Variants in TFAP2D observed in about 807,000 individuals in gnomAD.
TFAP2D encodes transcription factor AP-2 delta.
TFAP2D carries 9 observed loss-of-function variants against 43.6 expected under a neutral mutation model. That is an observed-to-expected ratio of 0.21 (90% CI 0.12 to 0.36). The LOEUF (loss-of-function observed/expected upper bound fraction) is 0.36. TFAP2D is among the 10% of genes least tolerant of loss of function. The pLI is 1.00. For missense variants in TFAP2D, 513 were observed against 561.4 expected, an observed-to-expected ratio of 0.91 and a Z score of 0.87; for synonymous variants, 256 against 224.9, an observed-to-expected ratio of 1.14 and a Z score of -1.24.
intron 3 of TFAP2D, among the ~76,000 whole-genome samples, chr6:50,722,552 G>T (rs868452349): frequency 1.3e-5 from 2 of 151,648 alleles, no homozygotes; most frequent in South Asian, 2.1e-4. Flanking sequence ...CCTTATGGCC[G>T]CCTCCCCTTT....
At chr6:50,734,444 C>T (rs1013886816) in intron 5 of TFAP2D, among the ~76,000 whole-genome samples, 1 of 152,058 alleles carries the variant, frequency 6.6e-6, no homozygotes, top group African/African-American at 2.4e-5. Flanking sequence ...ATAATAGAAG[C>T]TAATTTCTCA....
At chr6:50,719,373 T>C (rs1443131335) in intron 3 of TFAP2D, among the ~76,000 whole-genome samples, 2 of 151,898 alleles carry the variant, frequency 1.3e-5, no homozygotes, top group African/African-American at 2.4e-5. Flanking sequence ...TGATAGGAGA[T>C]ATTTGTTGCT....
chr6:50,751,285 T>A lies in TFAP2D; in HGVS notation c.1100T>A (p.Ile367Asn). 6.2e-7 allele frequency: 1 copy of A among 1,611,594 alleles called. No individual in the cohort carries two copies. The highest frequency in any genetic ancestry group is 8.5e-7 in the Non-Finnish European group (1 of 1,178,298). Residue 367 changes from isoleucine to asparagine, a missense_variant, in exon 7 of 8, where the codon ATT becomes AAT. Around this residue, in one of 3 missense-constraint regions of TFAP2D, gnomAD observed 199 missense variants for 227.9 expected, o/e 0.87. Coordinates refer to ENST00000008391, the MANE Select transcript of TFAP2D (RefSeq NM_172238.4). ...CTGGGATCCTCCAGACCCACTCCAA[T>A]TCTAGACCTTGACATCCAGAGACAT... is the stretch of plus-strand genomic sequence containing the variant. ...SPLGSSRPTP[I>N]LDLDIQRHLT...
At chr6:50,741,296 T>A (rs982673720) in intron 5 of TFAP2D, among the ~76,000 whole-genome samples, 7 of 152,284 alleles carry the variant, frequency 4.6e-5, no homozygotes, top group African/African-American at 1.7e-4. Context: ...TTTTTTAAAC[T>A]TTTATTTTAA....
At chr6:50,735,790 A>G (rs1768954522) in intron 5 of TFAP2D, among the ~76,000 whole-genome samples, 1 of 152,166 alleles carries the variant, frequency 6.6e-6, no homozygotes, top group South Asian at 2.1e-4. Context: ...CGATTTGTCA[A>G]TGAACTCTTT....
Position 50,760,573 on chromosome 6 carries a change from G to A in TFAP2D, c.1139+9249G>A, listed in dbSNP as rs890150507. ...ATGATTCTTCACCACCAGAGAACTA[G>A]ATACTTTAATTGTGTATCTTAATTA... is the stretch of plus-strand genomic sequence containing the variant. On this transcript the variant is annotated intron_variant, in intron 7 of 7. Coordinates refer to ENST00000008391, the MANE Select transcript of TFAP2D (RefSeq NM_172238.4). 9.2e-5 allele frequency among the ~76,000 whole-genome samples: 14 copies of A among 152,098 alleles called. No homozygotes were observed. In the East Asian group the frequency reaches 2.5e-3, roughly 27 times the overall value.
chr6:50,731,847 C>G (rs1028539364), intron 5 of TFAP2D, among the ~76,000 whole-genome samples: 4 of 152,026 alleles, frequency 2.6e-5, no homozygotes, highest in Non-Finnish European at 5.9e-5. Context: ...ATCATGGCCC[C>G]TGGAACTCTG....
chr6:50,726,855 G>T (rs368454313), intron 3 of TFAP2D, among the ~76,000 whole-genome samples: 1 of 152,150 alleles, frequency 6.6e-6, no homozygotes. Context: ...TTGTATTTTG[G>T]CTTAAAACTC....
chr6:50,761,174 A>G (rs1769358505), intron 7 of TFAP2D, among the ~76,000 whole-genome samples: 1 of 151,726 alleles, frequency 6.6e-6, no homozygotes, highest in Admixed American at 6.6e-5. Flanking sequence ...ATAATGCAAC[A>G]TAACAAAATA....
At chr6:50,720,317 C>T (rs989798234) in intron 3 of TFAP2D, among the ~76,000 whole-genome samples, 4 of 152,110 alleles carry the variant, frequency 2.6e-5, no homozygotes, top group South Asian at 4.1e-4. Flanking sequence ...GTTTAAACTG[C>T]AGATTTTACA....
intron 3 of TFAP2D, among the ~76,000 whole-genome samples, chr6:50,724,545 G>T (rs991105771): frequency 7.2e-5 from 11 of 152,264 alleles, no homozygotes; most frequent in South Asian, 6.2e-4. Context: ...AGAGCGCGCG[G>T]GACCTCTCGC....
chr6:50,741,000 C>A (rs187337667), intron 5 of TFAP2D, among the ~76,000 whole-genome samples: 1 of 152,122 alleles, frequency 6.6e-6, no homozygotes, highest in African/African-American at 2.4e-5. Context: ...CTAAAATCAA[C>A]GAGCAAATTT....
chr6:50,753,226 A>G (rs1165092666), intron 7 of TFAP2D, among the ~76,000 whole-genome samples: 1 of 151,952 alleles, frequency 6.6e-6, no homozygotes, highest in Non-Finnish European at 1.5e-5. Flanking sequence ...ATTAAAGTAC[A>G]GAGAAATGAG....
chr6:50,742,613 GATAGA>G (rs1561936909), intron 5 of TFAP2D, among the ~76,000 whole-genome samples: 2 of 151,428 alleles, frequency 1.3e-5, no homozygotes, highest in Non-Finnish European at 2.9e-5. Flanking sequence ...TAGATAGATA[GATAGA>G]TAGATAGATA....
chr6:50,725,089 G>A (rs1768789332), intron 3 of TFAP2D, among the ~76,000 whole-genome samples: 1 of 152,058 alleles, frequency 6.6e-6, no homozygotes, highest in Non-Finnish European at 1.5e-5. Context: ...GCAGACACTG[G>A]CCAGATGTCC....
At chr6:50,721,368 G>C (rs556159803) in intron 3 of TFAP2D, among the ~76,000 whole-genome samples, 7 of 152,158 alleles carry the variant, frequency 4.6e-5, no homozygotes, top group African/African-American at 1.7e-4. Context: ...CTTAGAGAAA[G>C]GCCAGTTAAC....
chr6:50,726,629 A>G (rs1335327327), intron 3 of TFAP2D, among the ~76,000 whole-genome samples: 3 of 152,238 alleles, frequency 2.0e-5, no homozygotes, highest in Admixed American at 6.5e-5. Flanking sequence ...AGACTTATCT[A>G]ATTCCTAAAA....
At chr6:50,742,592 A>T (rs1236439800) in intron 5 of TFAP2D, among the ~76,000 whole-genome samples, 1 of 150,722 alleles carries the variant, frequency 6.6e-6, no homozygotes, top group Non-Finnish European at 1.5e-5. Flanking sequence ...ATAGATAGAT[A>T]GATAGATAGA....
chr6:50,757,883 G>A (rs1769312027), intron 7 of TFAP2D, among the ~76,000 whole-genome samples: 1 of 141,622 alleles, frequency 7.1e-6, no homozygotes, highest in African/African-American at 2.6e-5. Flanking sequence ...TACAATAGAA[G>A]ATTAAGCATA....
Sources: gnomAD v4.1 joint callset for allele counts (sites outside exome capture counted in the v4.1 genomes callset) on GRCh38, gnomAD v4.1.1 for gene constraint, gnomAD v4.1.1 regional missense constraint, MANE v1.5 for transcripts, NCBI Gene and HGNC (gene_info 2026-07-23, HGNC 2026-07-21) for gene names.